THSD7B: variants seen among roughly 807,000 people sequenced by gnomAD.
THSD7B encodes the protein thrombospondin type-1 domain-containing protein 7B.
In THSD7B, 138 loss-of-function variants were observed where a neutral mutation model predicts 213.6. The ratio of observed to expected loss-of-function variants is 0.65; its 90% CI spans 0.56 to 0.74. THSD7B has a LOEUF of 0.74. THSD7B is among the 30% of genes least tolerant of loss of function. The probability of loss-of-function intolerance (pLI) is 0.00; values close to 1 mark genes in which losing one functional copy is unlikely to be tolerated. For synonymous variants in THSD7B, 742 were observed against 687.0 expected, an observed-to-expected ratio of 1.08 and a Z score of -1.25; for missense variants, 1,931 against 1,991.5, an observed-to-expected ratio of 0.97 and a Z score of 0.58.
chr2:137,317,486 C>T (rs17677001), intron 12 of THSD7B, among the ~76,000 whole-genome samples: 1 of 152,168 alleles, frequency 6.6e-6, no homozygotes, highest in Non-Finnish European at 1.5e-5. Context: ...CATAAGTACT[C>T]TAGAGCATTC....
At chr2:136,925,642 C>T (rs1339703139) in intron 2 of THSD7B, among the ~76,000 whole-genome samples, 2 of 152,084 alleles carry the variant, frequency 1.3e-5, no homozygotes, top group Non-Finnish European at 2.9e-5. Context: ...TCTTTTCTTG[C>T]TGTGCCTTCG....
intron 20 of THSD7B, among the ~76,000 whole-genome samples, chr2:137,639,500 G>C (rs925156302): frequency 2.0e-5 from 3 of 152,200 alleles, no homozygotes; most frequent in Non-Finnish European, 2.9e-5. Context: ...AGTCCCTAGT[G>C]GGGTGCTGCC....
chr2:136,797,470 A>G (rs1343859516), intron 1 of THSD7B, among the ~76,000 whole-genome samples: 1 of 152,014 alleles, frequency 6.6e-6, no homozygotes, highest in Non-Finnish European at 1.5e-5. Context: ...AAGTCTTACT[A>G]GTGCAGATGG....
chr2:137,538,507 A>G (rs749787696), intron 15 of THSD7B: 1 of 517,144 alleles, frequency 1.9e-6, no homozygotes, highest in South Asian at 1.4e-5. Flanking sequence ...TGGTGTTGCA[A>G]TCTGTTTTGA....
At chr2:136,812,051 T>C (rs1159949925) in intron 1 of THSD7B, among the ~76,000 whole-genome samples, 2 of 152,226 alleles carry the variant, frequency 1.3e-5, no homozygotes, top group Non-Finnish European at 2.9e-5. Flanking sequence ...TTAAGTGCAA[T>C]AGACAGCAAA....
At chr2:137,504,981 GAATGGAGGAAAGCAGGAAGGGAGA>G in intron 15 of THSD7B, among the ~76,000 whole-genome samples, 1 of 152,020 alleles carries the variant, frequency 6.6e-6, no homozygotes, top group Non-Finnish European at 1.5e-5. Context: ...AGGAAGGGAG[GAATGGAGGAAAGCAGGAAGGGAGA>G]AAGGGAGGAA....
chr2:137,167,090 A>C (rs1680152007), intron 6 of THSD7B, among the ~76,000 whole-genome samples: 1 of 152,210 alleles, frequency 6.6e-6, no homozygotes, highest in South Asian at 2.1e-4. Context: ...CCCAAAGTTC[A>C]GGGCCGCCAG....
chr2:137,570,120 A>G (rs1681324074), intron 16 of THSD7B, among the ~76,000 whole-genome samples: 1 of 151,906 alleles, frequency 6.6e-6, no homozygotes, highest in African/African-American at 2.4e-5. Context: ...AGTCCATAGA[A>G]TTAAAGTCCC....
At chr2:136,947,828 TTA>T (rs201759218) in intron 2 of THSD7B, among the ~76,000 whole-genome samples, 11,248 of 152,256 alleles carry the variant, frequency 0.074, 660 homozygotes, top group African/African-American at 0.16. Flanking sequence ...TGGTCTCTGG[TTA>T]AGATTTGGAA....
At chr2:137,559,309 A>G (rs1436353466) in intron 15 of THSD7B, among the ~76,000 whole-genome samples, 1 of 152,234 alleles carries the variant, frequency 6.6e-6, no homozygotes, top group Admixed American at 6.5e-5. Flanking sequence ...CCTGACTTCA[A>G]ACTATACTGC....
intron 15 of THSD7B, among the ~76,000 whole-genome samples, chr2:137,534,331 T>C (rs1329794789): frequency 6.6e-6 from 1 of 151,744 alleles, no homozygotes; most frequent in Non-Finnish European, 1.5e-5. Context: ...GCAGTCCCTT[T>C]TATGTCATTG....
At chr2:137,073,006 C>T (rs1687530886) in intron 3 of THSD7B, among the ~76,000 whole-genome samples, 1 of 151,356 alleles carries the variant, frequency 6.6e-6, no homozygotes, top group African/African-American at 2.4e-5. Context: ...TTCAGTTTGC[C>T]AGTATTTTAT....
chr2:137,572,939 C>T (rs945111679), intron 17 of THSD7B, among the ~76,000 whole-genome samples: 2 of 152,018 alleles, frequency 1.3e-5, no homozygotes, highest in African/African-American at 4.8e-5. Flanking sequence ...ATCTTAGGAG[C>T]TCAACTCCAC....
chr2:136,959,358 C>T (rs1226718694), intron 2 of THSD7B, among the ~76,000 whole-genome samples: 2 of 152,192 alleles, frequency 1.3e-5, no homozygotes, highest in African/African-American at 4.8e-5. Flanking sequence ...CATTCACTCC[C>T]ATTTATAGCA....
chr2:137,587,977 C>T (rs184886856), intron 17 of THSD7B, among the ~76,000 whole-genome samples: 1 of 152,312 alleles, frequency 6.6e-6, no homozygotes, highest in East Asian at 1.9e-4. Context: ...CTGTGGTGGG[C>T]TCCACCCAGT....
At chr2:137,483,484 C>G (rs1688352587) in intron 15 of THSD7B, among the ~76,000 whole-genome samples, 1 of 152,174 alleles carries the variant, frequency 6.6e-6, no homozygotes, top group African/African-American at 2.4e-5. Flanking sequence ...TGGGCTCTGC[C>G]AGGAGCAATG....
At chr2:137,110,868 A>G (rs182717969) in intron 4 of THSD7B, among the ~76,000 whole-genome samples, 152 of 152,290 alleles carry the variant, frequency 1.0e-3, no homozygotes, top group African/African-American at 3.5e-3. Context: ...ACATGTTTAG[A>G]TACACAAATA....
intron 1 of THSD7B, among the ~76,000 whole-genome samples, chr2:136,852,313 CAAAA>C (rs1178116895): frequency 6.8e-6 from 1 of 147,882 alleles, no homozygotes; most frequent in African/African-American, 2.5e-5. Context: ...GCAAACAAAA[CAAAA>C]CAAAACAAAA....
intron 15 of THSD7B, among the ~76,000 whole-genome samples, chr2:137,500,203 C>G (rs1679669787): frequency 6.6e-6 from 1 of 152,042 alleles, no homozygotes; most frequent in Non-Finnish European, 1.5e-5. Flanking sequence ...GAATAAAGAA[C>G]TGAATATTGA....
Sources: allele counts gnomAD v4.1 joint callset (sites outside exome capture counted in the v4.1 genomes callset), GRCh38; gene constraint gnomAD v4.1.1; transcripts MANE v1.5; gene names NCBI Gene and HGNC (gene_info 2026-07-23, HGNC 2026-07-21).